The following WWOX variants were observed in gnomAD, a reference collection of about 807,000 sequenced individuals.
WWOX encodes the protein WW domain containing oxidoreductase.
A neutral mutation model predicts 46.2 loss-of-function variants in WWOX; 69 were observed. The observed-to-expected ratio is 1.49, with a 90% CI of 1.23 to 1.82. WWOX has a LOEUF of 1.82. WWOX is among the 40% of genes most tolerant of loss of function. The pLI, the probability that WWOX is intolerant of heterozygous loss-of-function variation, is 0.00. For synonymous variants in WWOX, 359 were observed against 202.6 expected, an observed-to-expected ratio of 1.77 and a Z score of -6.56; for missense variants, 919 against 542.6, an observed-to-expected ratio of 1.69 and a Z score of -6.89.
intron 8 of WWOX, among the ~76,000 whole-genome samples, chr16:78,735,371 A>T (rs574340095): frequency 9.8e-5 from 14 of 142,280 alleles, no homozygotes; most frequent in Non-Finnish European, 2.0e-4. Flanking sequence ...AACCAATAAG[A>T]GATGTCATAC....
chr16:79,006,083 C>T (rs757502574), intron 8 of WWOX, among the ~76,000 whole-genome samples: 3 of 152,158 alleles, frequency 2.0e-5, no homozygotes, highest in African/African-American at 4.8e-5. Context: ...ATGGTCACTG[C>T]GCTAGGGAAG....
At chr16:79,003,079 T>A (rs1294662871) in intron 8 of WWOX, among the ~76,000 whole-genome samples, 1 of 152,168 alleles carries the variant, frequency 6.6e-6, no homozygotes, top group Non-Finnish European at 1.5e-5. Context: ...CAGACCCCAC[T>A]CTTCCCCCTG....
intron 2 of WWOX, among the ~76,000 whole-genome samples, chr16:78,109,002 C>A (rs1185460143): frequency 1.3e-5 from 2 of 152,086 alleles, no homozygotes; most frequent in African/African-American, 4.8e-5. Flanking sequence ...ATAGCGACAA[C>A]AACAACAACA....
At chr16:78,779,805 G>C (rs370591373) in intron 8 of WWOX, among the ~76,000 whole-genome samples, 3 of 152,122 alleles carry the variant, frequency 2.0e-5, no homozygotes, top group African/African-American at 7.2e-5. Context: ...CTCTCATTCT[G>C]TACCCTCTCT....
chr16:78,374,771 T>A (rs188268258), intron 5 of WWOX, among the ~76,000 whole-genome samples: 2 of 152,084 alleles, frequency 1.3e-5, no homozygotes, highest in East Asian at 3.9e-4. Flanking sequence ...AGGATGGTCT[T>A]GATCTCCTGA....
intron 5 of WWOX, among the ~76,000 whole-genome samples, chr16:78,357,772 T>C (rs572540167): frequency 6.6e-6 from 1 of 152,326 alleles, no homozygotes; most frequent in East Asian, 1.9e-4. Flanking sequence ...TGCTGCACTC[T>C]TGCTGGGTAT....
At chr16:79,074,501 A>G (rs148203996) in intron 8 of WWOX, among the ~76,000 whole-genome samples, 1 of 130,606 alleles carries the variant, frequency 7.7e-6, no homozygotes, top group African/African-American at 2.9e-5. Context: ...GTGTGGGGGA[A>G]TGGAGAGACC....
At chr16:78,660,714 C>G (rs949186632) in intron 8 of WWOX, among the ~76,000 whole-genome samples, 1 of 152,180 alleles carries the variant, frequency 6.6e-6, no homozygotes, top group African/African-American at 2.4e-5. Flanking sequence ...TCCCAGACCT[C>G]TCTCCAAAAG....
At chr16:78,672,028 A>T (rs1465705745) in intron 8 of WWOX, among the ~76,000 whole-genome samples, 1 of 152,170 alleles carries the variant, frequency 6.6e-6, no homozygotes, top group South Asian at 2.1e-4. Flanking sequence ...GGTAGTTAAG[A>T]GTTAAGTATC....
chr16:78,609,518 G>GTT (rs2548878), intron 8 of WWOX, among the ~76,000 whole-genome samples: 1 of 146,644 alleles, frequency 6.8e-6, no homozygotes, highest in Non-Finnish European at 1.5e-5. Flanking sequence ...TGCCTCTGAG[G>GTT]TTTTTTTTTT....
intron 8 of WWOX, among the ~76,000 whole-genome samples, chr16:79,129,330 G>C (rs1345867715): frequency 6.7e-6 from 1 of 149,398 alleles, no homozygotes; most frequent in Non-Finnish European, 1.5e-5. Context: ...TGATATGTTC[G>C]TTATGCACAT....
chr16:79,211,540 T>C, intron 8 of WWOX, 68 bp from the exon 9 acceptor site: 1 of 1,605,228 alleles, frequency 6.2e-7, no homozygotes, highest in Non-Finnish European at 8.5e-7. Flanking sequence ...GCCCAGGCAG[T>C]CGAAATGACG....
Position 78,470,229 on chromosome 16 carries a change from G to A in WWOX, c.1056+37477G>A, listed in dbSNP as rs73574981. Among the ~76,000 whole-genome samples, 390 of 152,312 alleles carry A rather than the reference G, an allele frequency of 2.6e-3. 1 individual carries two copies. Among genetic ancestry groups the A allele is most frequent in the African/African-American group, 9.1e-3 (379 of 41,562 alleles). On this transcript the variant is annotated intron_variant, in intron 8 of 8. Transcript: ENST00000566780. Reference sequence around the variant, plus strand: ...AGGAATTTGCAGGACCATGTGTGGAGCATTTTAAGGATGAGGCCTGGGAGT... The same window carrying A: ...AGGAATTTGCAGGACCATGTGTGGAACATTTTAAGGATGAGGCCTGGGAGT...
intron 8 of WWOX, among the ~76,000 whole-genome samples, chr16:78,760,423 A>C (rs2049763700): frequency 6.6e-6 from 1 of 152,128 alleles, no homozygotes; most frequent in Admixed American, 6.6e-5. Context: ...TAACTTAATC[A>C]CACTTGCATT....
At chr16:78,724,535 G>C (rs911926885) in intron 8 of WWOX, among the ~76,000 whole-genome samples, 9 of 152,134 alleles carry the variant, frequency 5.9e-5, no homozygotes, top group Admixed American at 2.0e-4. Flanking sequence ...CATTATTACA[G>C]TCCATTATTT....
chr16:78,664,561 T>G (rs111325831), intron 8 of WWOX, among the ~76,000 whole-genome samples: 1 of 152,184 alleles, frequency 6.6e-6, no homozygotes, highest in Admixed American at 6.5e-5. Flanking sequence ...ACTTAAAATG[T>G]GAGCAGAGTG....
rs761042803 is a variant in WWOX at position 78,962,847 on chromosome 16, A to G, written c.1057-248761A>G. 3.2e-4 allele frequency among the ~76,000 whole-genome samples: 48 copies of G among 152,168 alleles called. 1 individual carries two copies. The highest frequency in any genetic ancestry group is 2.4e-3 in the Admixed American group (36 of 15,278). On this transcript the variant is annotated intron_variant, in intron 8 of 8. Transcript: ENST00000566780. ...AGAGGTAACCACTATTCTGATTTCT[A>G]TCAGCATAGTTTTCTGTTCCTGAAT...
chr16:78,611,427 CT>C (rs1341203770), intron 8 of WWOX, among the ~76,000 whole-genome samples: 2 of 152,126 alleles, frequency 1.3e-5, no homozygotes, highest in African/African-American at 4.8e-5. Context: ...TAAGGGAATT[CT>C]TTGGTGCATT....
chr16:78,665,504 C>T (rs1241746519), intron 8 of WWOX, among the ~76,000 whole-genome samples: 4 of 152,050 alleles, frequency 2.6e-5, no homozygotes, highest in East Asian at 1.9e-4. Context: ...GGGCAAGAGA[C>T]GTGTGTCTCC....
Sources: gnomAD v4.1 joint callset for allele counts (sites outside exome capture counted in the v4.1 genomes callset) on GRCh38, gnomAD v4.1.1 for gene constraint, MANE v1.5 for transcripts, NCBI Gene and HGNC (gene_info 2026-07-23, HGNC 2026-07-21) for gene names.